Variants in ADD2 observed in about 807,000 individuals in gnomAD.
ADD2 encodes the protein adducin 2.
ADD2 carries 23 observed loss-of-function variants against 83.0 expected under a neutral mutation model. The observed-to-expected ratio is 0.28, with a 90% CI of 0.20 to 0.39. ADD2 has a LOEUF of 0.39. ADD2 is among the 10% of genes least tolerant of loss of function. The probability of loss-of-function intolerance (pLI) is 1.00; values close to 1 mark genes in which losing one functional copy is unlikely to be tolerated. For synonymous variants in ADD2, 375 were observed against 375.4 expected (o/e 1.00, Z 0.01); for missense variants, 758 against 944.9 (o/e 0.80, Z 2.59).
intron 10 of ADD2, 27 bp downstream of exon 10, chr2:70,683,564 C>T (rs782142089): frequency 1.9e-6 from 3 of 1,598,358 alleles, no homozygotes; most frequent in East Asian, 2.3e-5. Flanking sequence ...ATGGACTGGC[C>T]TGGAAGGGCA....
intron 9 of ADD2, among the ~76,000 whole-genome samples, chr2:70,687,685 C>A (rs1670811398): frequency 6.6e-6 from 1 of 152,204 alleles, no homozygotes; most frequent in African/African-American, 2.4e-5. Flanking sequence ...CCCCACGTAA[C>A]ATATGAGCAT....
At chr2:70,669,468 A>C (rs189917759) in intron 15 of ADD2, among the ~76,000 whole-genome samples, 7 of 152,332 alleles carry the variant, frequency 4.6e-5, no homozygotes, top group African/African-American at 1.7e-4. Context: ...TGAGAGTACC[A>C]CTGATAAAAA....
chr2:70,729,981 T>G (rs1022080864), intron 1 of ADD2, among the ~76,000 whole-genome samples: 3 of 152,204 alleles, frequency 2.0e-5, no homozygotes, highest in Non-Finnish European at 4.4e-5. Context: ...GTCCACACAT[T>G]TTTGGACCAG....
In ADD2 at chr2:70,690,799, C is replaced by T. The variant is rs1670987647; in HGVS notation, c.836G>A (p.Gly279Glu). Reference sequence around the variant, plus strand: ...AGCTAAGCTAACCTTGCAGGTGGGTCCAAGGCACTTCTGCAGGTTGATCCG... The same window carrying T: ...AGCTAAGCTAACCTTGCAGGTGGGTTCAAGGCACTTCTGCAGGTTGATCCG... The part of the protein sequence containing the change: ...ADRINLQKCL[G>E]PTCKILVLRN... The change falls in exon 8 of 16, where the codon GGA (glycine) becomes GAA (glutamate). Residue 279 changes from glycine to glutamate, a missense_variant. Around this residue, in one of 5 missense-constraint regions of ADD2, gnomAD observed 394 missense variants for 509.3 expected, o/e 0.77. Transcript: ENST00000264436. 5 of 1,613,648 alleles carry T rather than the reference C, an allele frequency of 3.1e-6. No individual in the cohort carries two copies. The highest frequency in any genetic ancestry group is 4.2e-6 in the Non-Finnish European group (5 of 1,179,768).
chr2:70,695,563 C>T (rs2104339909), intron 6 of ADD2, among the ~76,000 whole-genome samples, 158 bp downstream of exon 6: 1 of 152,332 alleles, frequency 6.6e-6, no homozygotes, highest in Middle Eastern at 3.4e-3. Flanking sequence ...GCATCATGCT[C>T]TGGACACTTA....
chr2:70,749,660 A>AT (rs1674409613), intron 1 of ADD2, among the ~76,000 whole-genome samples: 1 of 152,218 alleles, frequency 6.6e-6, no homozygotes, highest in Non-Finnish European at 1.5e-5. Context: ...AGAAAGTCTA[A>AT]TTTCCTGATG....
At chr2:70,699,399 C>T (rs1391678819) in intron 4 of ADD2, among the ~76,000 whole-genome samples, 1 of 152,030 alleles carries the variant, frequency 6.6e-6, no homozygotes, top group Non-Finnish European at 1.5e-5. Context: ...TGTTTGGCGA[C>T]CTAAAAAGGA....
At position 70,659,215 on chromosome 2, in the gene ADD2, CTG is replaced by C. The variant is rs1389895316; in HGVS notation, c.*4208_*4209del. 1.3e-5 allele frequency: 2 copies of C among 148,496 alleles called. No individual in the cohort carries two copies. The highest frequency in any genetic ancestry group is 6.7e-5 in the Admixed American group (1 of 14,986). The allele number at this position is 148,496 out of a possible 1,614,324, so 9.2% of individuals were successfully genotyped here. A position where few individuals can be genotyped will look rare whatever the true frequency, so the allele number is the denominator to read the frequency against. ...CATGTCATGCAGACCTATGCGTAGG[CTG>C]TGTGTTTACCCTCCACATACCTTCA... On this transcript the variant is annotated 3_prime_UTR_variant, in exon 16 of 16. Transcript: ENST00000264436.
intron 1 of ADD2, among the ~76,000 whole-genome samples, chr2:70,761,229 T>TTTC (rs1675070411): frequency 1.4e-5 from 2 of 147,128 alleles, no homozygotes; most frequent in Non-Finnish European, 3.0e-5. Flanking sequence ...ATGCATTACT[T>TTTC]TTTTTTTTTT....
chr2:70,724,314 G>C (rs548448535), intron 1 of ADD2, among the ~76,000 whole-genome samples: 8 of 152,164 alleles, frequency 5.3e-5, no homozygotes, highest in Non-Finnish European at 1.0e-4. Context: ...CCACCACTGC[G>C]TGCTCATTTC....
At position 70,696,281 on chromosome 2, in the gene ADD2, G is replaced by C. The variant is rs114904807; in HGVS notation, c.438C>G (p.Leu146=). ...TGTCACTCAGCTGGGCCCAGCCATAGAGGTCCAGGAGTCGGTAGACACTGC... is the reference window on the plus strand; with the variant it reads ...TGTCACTCAGCTGGGCCCAGCCATACAGGTCCAGGAGTCGGTAGACACTGC... The part of the protein sequence containing the change: ...KISSVYRLLD[L]YGWAQLSDTY... The change falls in exon 5 of 16, where the codon CTC becomes CTG. Residue 146 remains leucine (L), a synonymous_variant. Coordinates refer to ENST00000264436, the MANE Select transcript of ADD2 (RefSeq NM_001617.4). 6.2e-6 allele frequency: 10 copies of C among 1,613,652 alleles called. No homozygotes were observed. The East Asian group carries it at 1.8e-4, about 29-fold the overall frequency.
intron 9 of ADD2, among the ~76,000 whole-genome samples, chr2:70,685,998 A>T (rs1225764583): frequency 6.6e-6 from 1 of 152,210 alleles, no homozygotes; most frequent in Non-Finnish European, 1.5e-5. Context: ...CAGGAGAAAT[A>T]AATAGGCTCT....
In ADD2 at chr2:70,676,785, C is replaced by G; in HGVS notation, c.1593+11G>C. On this transcript the variant is annotated intron_variant, in intron 13 of 15. Transcript: ENST00000264436. The surrounding 1 kb of genome is among the most constrained non-coding windows in gnomAD (Gnocchi z 4.8). The stretch of plus-strand genomic sequence containing the variant: ...CGTTTCCCCGCCAGTCAGGGGCAGC[C>G]TCTGCTCTACCGGGCTTCGGCTCTT... The G allele has an allele frequency of 1.2e-6, 2 of 1,614,182 alleles. No homozygotes were observed. The highest frequency in any genetic ancestry group is 8.5e-7 in the Non-Finnish European group (1 of 1,179,996).
intron 2 of ADD2, among the ~76,000 whole-genome samples, chr2:70,707,830 C>T (rs1441659003): frequency 6.6e-6 from 1 of 152,244 alleles, no homozygotes; most frequent in Non-Finnish European, 1.5e-5. Flanking sequence ...TCCATGGGCT[C>T]CCATTCCATG....
chr2:70,670,149 T>C (rs1669840775), intron 15 of ADD2, among the ~76,000 whole-genome samples: 1 of 152,250 alleles, frequency 6.6e-6, no homozygotes, highest in African/African-American at 2.4e-5. Context: ...TATTGCTGCA[T>C]CACAAACCAC....
At position 70,677,828 on chromosome 2, in the gene ADD2, C is replaced by A. The variant is rs150426440; in HGVS notation, c.1433G>T (p.Arg478Leu). The change falls in exon 12 of 16, where the codon CGC becomes CTC. Residue 478 changes from arginine to leucine, a missense_variant. Physicochemically the swap from Arg to Leu is moderately radical, Grantham distance 102 (BLOSUM62 -2). Around this residue, in one of 5 missense-constraint regions of ADD2, gnomAD observed 394 missense variants for 509.3 expected, o/e 0.77. Transcript: ENST00000264436. ...VEKSSSGMPIRIENPNQFVPL... is the reference protein window; with the variant it reads ...VEKSSSGMPILIENPNQFVPL... ...CACAAATTGGTTTGGGTTTTCGATG[C>A]GAATCGGCATGCCACTGCTGGATTT... The A allele has an allele frequency of 2.5e-6, 4 of 1,614,080 alleles. No individual in the cohort carries two copies. Among genetic ancestry groups the A allele is most frequent in the East Asian group, 2.2e-5 (1 of 44,896 alleles).
intron 4 of ADD2, 58 bp downstream of exon 4, chr2:70,704,263 T>TGCCCCCCCCCCCCCCCCCCCCCCC: frequency 3.3e-5 from 30 of 913,232 alleles, no homozygotes; most frequent in East Asian, 5.9e-5. Flanking sequence ...CTCCCTCTCT[T>TGCCCCCCCCCCCCCCCCCCCCCCC]CCCCACCCCA....
At chr2:70,715,888 C>T (rs561114231) in intron 1 of ADD2, among the ~76,000 whole-genome samples, 6 of 152,172 alleles carry the variant, frequency 3.9e-5, no homozygotes, top group South Asian at 2.1e-4. Flanking sequence ...TCTCTCCACC[C>T]GCAGCGCCAG....
intron 1 of ADD2, among the ~76,000 whole-genome samples, chr2:70,765,504 T>C (rs542204472): frequency 2.8e-4 from 43 of 152,378 alleles, no homozygotes; most frequent in African/African-American, 1.0e-3. Flanking sequence ...GAGTGTCCAT[T>C]TCTTGCATTT....
Sources: allele counts gnomAD v4.1 joint callset (sites outside exome capture counted in the v4.1 genomes callset), GRCh38; gene constraint gnomAD v4.1.1; regional missense constraint gnomAD v4.1.1; non-coding constraint Gnocchi (gnomAD v3.1); transcripts MANE v1.5; gene names NCBI Gene and HGNC (gene_info 2026-07-23, HGNC 2026-07-21).